Variants in BRSK2 observed in about 807,000 individuals in gnomAD.
The protein encoded by BRSK2 is serine/threonine-protein kinase BRSK2.
In BRSK2, 19 loss-of-function variants were observed where a neutral mutation model predicts 83.3. That is an observed-to-expected ratio of 0.23 (90% CI 0.16 to 0.33). The LOEUF (loss-of-function observed/expected upper bound fraction) is 0.33. Ranked by LOEUF, BRSK2 falls within the 10% of genes least tolerant of loss-of-function variation. BRSK2 has a pLI of 1.00. For missense variants in BRSK2, 798 were observed against 1,042.3 expected, an observed-to-expected ratio of 0.77 and a Z score of 3.23; for synonymous variants, 519 against 435.4, an observed-to-expected ratio of 1.19 and a Z score of -2.39.
intron 1 of BRSK2, chr11:1,411,124 A>T (rs1244208928): frequency 1.4e-5 from 17 of 1,203,806 alleles, no homozygotes; most frequent in Non-Finnish European, 1.8e-5. Context: ...CCAGCTGGGG[A>T]TCCTCAGGGG....
intron 1 of BRSK2, among the ~76,000 whole-genome samples, chr11:1,428,343 C>A (rs1849495062): frequency 6.6e-6 from 1 of 152,240 alleles, no homozygotes; most frequent in Non-Finnish European, 1.5e-5. Context: ...GGCCCACCCC[C>A]AGTGGCTCCA....
intron 1 of BRSK2, among the ~76,000 whole-genome samples, chr11:1,415,854 C>T (rs907727987): frequency 1.3e-5 from 2 of 152,280 alleles, no homozygotes; most frequent in South Asian, 2.1e-4. Flanking sequence ...ACGGCCTCCT[C>T]GGCCACTGTC....
At chr11:1,458,438 C>T (rs144517644) in intron 18 of BRSK2, among the ~76,000 whole-genome samples, 134 of 152,256 alleles carry the variant, frequency 8.8e-4, no homozygotes, top group Non-Finnish European at 1.4e-3. Flanking sequence ...GATCTCGCTA[C>T]GCCCAGCCCT....
intron 1 of BRSK2, among the ~76,000 whole-genome samples, chr11:1,434,133 G>A (rs901986527): frequency 1.3e-5 from 2 of 152,236 alleles, no homozygotes; most frequent in South Asian, 4.1e-4. Context: ...GGATAAAAAC[G>A]AGAACAGGAA....
chr11:1,393,868 ATGGAGATGGGTCC>A (rs1461437113), intron 1 of BRSK2, among the ~76,000 whole-genome samples: 73 of 150,726 alleles, frequency 4.8e-4, no homozygotes, highest in African/African-American at 1.4e-3. Context: ...GAGATGGGCC[ATGGAGATGGGTCC>A]TGGAGATGGG....
chr11:1,411,376 G>T, intron 1 of BRSK2: 1 of 1,452,520 alleles, frequency 6.9e-7, no homozygotes, highest in South Asian at 1.5e-5. Flanking sequence ...GTTTGGGGAG[G>T]GAGCCTGGTA....
chr11:1,410,952 G>A (rs1434493114), intron 1 of BRSK2: 1 of 989,848 alleles, frequency 1.0e-6, no homozygotes, highest in Non-Finnish European at 1.2e-6. Context: ...GCTGGCTGGG[G>A]TGGGGGCTCC....
chr11:1,453,057 C>T (rs1001336803), intron 15 of BRSK2, among the ~76,000 whole-genome samples: 3 of 152,218 alleles, frequency 2.0e-5, no homozygotes, highest in Admixed American at 6.5e-5. Context: ...GTTGCAGCCT[C>T]GAGGGGCGTT....
intron 12 of BRSK2, among the ~76,000 whole-genome samples, chr11:1,446,746 A>G (rs1852187155): frequency 6.6e-6 from 1 of 152,188 alleles, no homozygotes; most frequent in Non-Finnish European, 1.5e-5. Context: ...GATGAGCTCA[A>G]ACGTCCCTCA....
intron 1 of BRSK2, among the ~76,000 whole-genome samples, chr11:1,414,332 G>A (rs1847872626): frequency 6.6e-6 from 1 of 152,212 alleles, no homozygotes; most frequent in South Asian, 2.1e-4. Flanking sequence ...TTGAGGCTGG[G>A]GATGCCACTG....
At chr11:1,409,161 CCT>C (rs758646038) in intron 1 of BRSK2, among the ~76,000 whole-genome samples, 26 of 152,206 alleles carry the variant, frequency 1.7e-4, no homozygotes, top group Non-Finnish European at 2.8e-4. Flanking sequence ...CCTGCATTTC[CCT>C]CTCTGTTTCT....
Position 1,450,669 on chromosome 11 carries a change from C to T in BRSK2, c.1370C>T (p.Ala457Val). The change falls in exon 14 of 20, where the codon GCT (alanine) becomes GTT (valine). Residue 457 changes from alanine to valine, a missense_variant. Ala to Val is a moderately conservative substitution (Grantham distance 64). Transcript: ENST00000528841. The stretch of plus-strand genomic sequence containing the variant: ...GTCCACACGCCAAAGGAGAGCCCGG[C>T]TGGCACGCCCAACCCCACGCCCCCG... ...TPVHTPKESP[A>V]GTPNPTPPSS... 1 of 1,609,398 alleles carries T rather than the reference C, an allele frequency of 6.2e-7. No homozygotes were observed. The highest frequency in any genetic ancestry group is 1.7e-5 in the Admixed American group (1 of 59,412).
chr11:1,419,785 C>T (rs901189053), intron 1 of BRSK2, among the ~76,000 whole-genome samples: 7 of 152,236 alleles, frequency 4.6e-5, no homozygotes, highest in Non-Finnish European at 8.8e-5. Flanking sequence ...TGGTGGCATG[C>T]GCCTGTAATC....
Position 1,460,526 on chromosome 11 carries a change from G to A in BRSK2, c.2014G>A (p.Val672Ile), listed in dbSNP as rs1416568772. The A allele has an allele frequency of 2.9e-6, 4 of 1,400,918 alleles. No individual in the cohort carries two copies. Among genetic ancestry groups the A allele is most frequent in the South Asian group, 1.2e-5 (1 of 80,644 alleles). The allele number at this position is 1,400,918 out of a possible 1,614,324, so 86.8% of individuals were successfully genotyped here. Residue 672 changes from valine (V) to isoleucine (I), a missense_variant, in exon 20 of 20, where the codon GTA becomes ATA. By Grantham distance (29) the Val-to-Ile change is conservative. Coordinates refer to ENST00000528841, the MANE Select transcript of BRSK2 (RefSeq NM_001256627.2). ...CAGCCCATTGAGTAACTTCTTTGAC[G>A]TAATTAAACAACTTTTTTCAGACGA... ...CGSPLSNFFD[V>I]IKQLFSDEKN...
chr11:1,443,841 C>T (rs1851674018), intron 8 of BRSK2, among the ~76,000 whole-genome samples: 1 of 151,514 alleles, frequency 6.6e-6, no homozygotes, highest in African/African-American at 2.4e-5. Flanking sequence ...TGTGTGGGTG[C>T]CCAGGTGAGT....
At chr11:1,411,919 G>A (rs1360358386) in intron 1 of BRSK2, among the ~76,000 whole-genome samples, 1 of 152,250 alleles carries the variant, frequency 6.6e-6, no homozygotes, top group Non-Finnish European at 1.5e-5. Context: ...GCCCCATCCT[G>A]TGGGGAACGT....
chr11:1,410,461 G>A (rs1362057772), intron 1 of BRSK2: 1 of 985,474 alleles, frequency 1.0e-6, no homozygotes, highest in East Asian at 1.1e-4. Context: ...CGCCGTGAAA[G>A]CACCCAGCGT....
At chr11:1,400,214 T>C (rs1305173200) in intron 1 of BRSK2, among the ~76,000 whole-genome samples, 1 of 152,222 alleles carries the variant, frequency 6.6e-6, no homozygotes, top group Admixed American at 6.5e-5. Flanking sequence ...CGCTGGGCTC[T>C]GCGTGGGGCC....
intron 18 of BRSK2, 193 bp downstream of exon 18, chr11:1,456,880 C>T: frequency 6.6e-7 from 1 of 1,520,670 alleles, no homozygotes; most frequent in East Asian, 2.4e-5. Context: ...GGCGGGACCA[C>T]CCGCCTCGCC....
Sources: allele counts gnomAD v4.1 joint callset (sites outside exome capture counted in the v4.1 genomes callset), GRCh38; gene constraint gnomAD v4.1.1; transcripts MANE v1.5; gene names NCBI Gene and HGNC (gene_info 2026-07-23, HGNC 2026-07-21).